The following NTM variants were observed in gnomAD, a reference collection of about 807,000 sequenced individuals.
The protein encoded by NTM is IgLON family member 2.
NTM carries 13 observed loss-of-function variants against 42.1 expected under a neutral mutation model. The observed-to-expected ratio is 0.31, with a 90% CI of 0.20 to 0.49. NTM has a LOEUF of 0.49. Among genes scored for constraint, NTM ranks in the 20% least tolerant of loss-of-function variants. The pLI is 0.99. For synonymous variants in NTM, 187 were observed against 179.2 expected (o/e 1.04, Z -0.35); for missense variants, 373 against 452.8 (o/e 0.82, Z 1.60).
chr11:131,944,012 A>G (rs1217002297), intron 2 of NTM, among the ~76,000 whole-genome samples: 1 of 152,132 alleles, frequency 6.6e-6, no homozygotes, highest in Non-Finnish European at 1.5e-5. Context: ...CGTTATTTGT[A>G]TGTGAAAATT....
At chr11:131,786,385 T>C (rs2089221260) in intron 1 of NTM, among the ~76,000 whole-genome samples, 1 of 152,256 alleles carries the variant, frequency 6.6e-6, no homozygotes, top group African/African-American at 2.4e-5. Context: ...CGCTCATGAA[T>C]GCCTTACAAA....
In NTM at chr11:132,334,897, A is replaced by G. The variant is rs2095858946; in HGVS notation, c.968-149A>G. 4 of 1,345,710 alleles carry G rather than the reference A, an allele frequency of 3.0e-6. No homozygotes were observed. In the Admixed American group the frequency reaches 9.9e-5, roughly 33 times the overall value. The allele number at this position is 1,345,710 out of a possible 1,614,324, so 83.4% of individuals were successfully genotyped here. A position where few individuals can be genotyped will look rare whatever the true frequency, so the allele number is the denominator to read the frequency against. On this transcript the variant is annotated intron_variant, in intron 8 of 8. Transcript: ENST00000683400. ...TGGGGATGTGGGCCATAGAACGTTC[A>G]CTTCTAATGCTGGGGCTGGAACACC...
intron 2 of NTM, among the ~76,000 whole-genome samples, chr11:131,975,562 C>G (rs767201150): frequency 2.6e-5 from 4 of 152,098 alleles, no homozygotes; most frequent in Non-Finnish European, 5.9e-5. Flanking sequence ...AACCTCCAAA[C>G]AAAACCCCAA....
chr11:132,317,535 T>C (rs1306260445), intron 7 of NTM: 2 of 416,820 alleles, frequency 4.8e-6, no homozygotes, highest in East Asian at 7.8e-5. Flanking sequence ...TTTTATATAA[T>C]CCCCCAGAAA....
intron 4 of NTM, among the ~76,000 whole-genome samples, chr11:132,297,001 G>T (rs1383834297): frequency 6.6e-6 from 1 of 152,070 alleles, no homozygotes; most frequent in African/African-American, 2.4e-5. Flanking sequence ...CAAATACAAG[G>T]GCTTTCAGTC....
chr11:131,788,069 A>G (rs1432079612), intron 1 of NTM, among the ~76,000 whole-genome samples: 1 of 152,156 alleles, frequency 6.6e-6, no homozygotes, highest in African/African-American at 2.4e-5. Context: ...GGACTTTTCA[A>G]TGAATTGGCA....
chr11:131,928,502 C>T (rs2058208516), intron 2 of NTM, among the ~76,000 whole-genome samples: 1 of 150,676 alleles, frequency 6.6e-6, no homozygotes. Context: ...ACTACAAACT[C>T]TGTTTGTTTT....
intron 1 of NTM, among the ~76,000 whole-genome samples, chr11:131,879,734 G>A (rs141320968): frequency 0.013 from 940 of 71,074 alleles, 8 homozygotes; most frequent in Non-Finnish European, 0.021. Context: ...AGGTCTTGTG[G>A]ATAAACTTCC....
chr11:131,483,767 G>A (rs1468322831), intron 1 of NTM, among the ~76,000 whole-genome samples: 1 of 152,214 alleles, frequency 6.6e-6, no homozygotes, highest in Admixed American at 6.5e-5. Flanking sequence ...CCCCTGCCTA[G>A]GCTCTTTCTT....
At chr11:131,751,104 CT>C (rs1195860968) in intron 1 of NTM, among the ~76,000 whole-genome samples, 2 of 152,146 alleles carry the variant, frequency 1.3e-5, no homozygotes, top group African/African-American at 4.8e-5. Context: ...TGCCTATCCC[CT>C]GATATCCTCT....
At chr11:131,890,217 C>T (rs2051103106) in intron 1 of NTM, among the ~76,000 whole-genome samples, 1 of 151,776 alleles carries the variant, frequency 6.6e-6, no homozygotes, top group African/African-American at 2.4e-5. Context: ...ACATATCCAC[C>T]TCACCCCTGA....
intron 1 of NTM, chr11:131,660,688 G>A (rs960789657): frequency 2.3e-6 from 1 of 428,852 alleles, no homozygotes; most frequent in South Asian, 1.8e-5. Context: ...GACAGAGGGT[G>A]TGGGGCTAGG....
At position 131,749,163 on chromosome 11, in the gene NTM, A is replaced by G. The variant is rs546924141; in HGVS notation, c.83-162401A>G. Among the ~76,000 whole-genome samples, 28 of 152,336 alleles carry G rather than the reference A, an allele frequency of 1.8e-4. No individual in the cohort carries two copies. The South Asian group carries it at 4.6e-3, about 25-fold the overall frequency. ...TTCCGGATGAAGTTGTTCTGAATCA[A>G]CTCAGTACTGGAAATCATAAAGTGA... On this transcript the variant is annotated intron_variant, in intron 1 of 8. Transcript: ENST00000683400.
chr11:132,106,045 G>C (rs2062334218), intron 2 of NTM, among the ~76,000 whole-genome samples: 1 of 152,056 alleles, frequency 6.6e-6, no homozygotes, highest in Admixed American at 6.5e-5. Context: ...TGGCAACCAG[G>C]GTGGATATTG....
intron 4 of NTM, among the ~76,000 whole-genome samples, chr11:132,276,696 G>T (rs554592353): frequency 6.6e-6 from 1 of 152,130 alleles, no homozygotes; most frequent in East Asian, 1.9e-4. Context: ...TCATCCACAT[G>T]GTGCTGCATT....
chr11:131,906,639 G>C (rs548626207), intron 1 of NTM, among the ~76,000 whole-genome samples: 2 of 152,210 alleles, frequency 1.3e-5, no homozygotes, highest in South Asian at 4.1e-4. Context: ...TTTGATTTTG[G>C]CTTGTTCATC....
chr11:131,538,413 T>C (rs2136755962), intron 1 of NTM: 1 of 152,306 alleles, frequency 6.6e-6, no homozygotes, highest in South Asian at 2.1e-4. Flanking sequence ...GCTATGTGGG[T>C]TCTGTTTCTA....
At chr11:132,126,097 A>G (rs2065793421) in intron 2 of NTM, among the ~76,000 whole-genome samples, 5 of 152,042 alleles carry the variant, frequency 3.3e-5, no homozygotes, top group Admixed American at 3.3e-4. Flanking sequence ...AGTGGGCGCA[A>G]GGGTCTCGCC....
intron 1 of NTM, among the ~76,000 whole-genome samples, chr11:131,470,390 A>G (rs1466029584): frequency 6.6e-6 from 1 of 152,234 alleles, no homozygotes; most frequent in Non-Finnish European, 1.5e-5. Context: ...AGACTGGGCA[A>G]AGCATTCTGG....
Sources: gnomAD v4.1 joint callset for allele counts (sites outside exome capture counted in the v4.1 genomes callset) on GRCh38, gnomAD v4.1.1 for gene constraint, MANE v1.5 for transcripts, NCBI Gene and HGNC (gene_info 2026-07-23, HGNC 2026-07-21) for gene names.